GLIS3: variants seen among roughly 807,000 people sequenced by gnomAD.
GLIS3 encodes GLIS family zinc finger 3, also known as zinc finger protein GLIS3.
GLIS3 carries 53 observed loss-of-function variants against 78.6 expected under a neutral mutation model. That is an observed-to-expected ratio of 0.67 (90% CI 0.54 to 0.85). The LOEUF (loss-of-function observed/expected upper bound fraction) is 0.85. Ranked by LOEUF, GLIS3 falls within the 40% of genes least tolerant of loss-of-function variation. GLIS3 has a pLI of 0.00. For missense variants in GLIS3, 1,703 were observed against 1,231.1 expected (o/e 1.38, Z -5.74); for synonymous variants, 684 against 509.9 (o/e 1.34, Z -4.60).
intron 6 of GLIS3, 42 bp downstream of exon 6, chr9:3,932,318 G>C (rs1382438238): frequency 6.9e-7 from 1 of 1,453,142 alleles, no homozygotes; most frequent in African/African-American, 1.4e-5. Flanking sequence ...AGAATAATCT[G>C]AACATGCTTT....
chr9:3,829,538 GT>G, intron 9 of GLIS3, 46 bp from the exon 10 acceptor site: 2 of 1,601,506 alleles, frequency 1.2e-6, no homozygotes, highest in Non-Finnish European at 1.7e-6. Flanking sequence ...TTGGGCACAA[GT>G]TCCACAGATC....
chr9:4,305,059 A>T (rs1377222265), upstream of GLIS3: 1 of 152,156 alleles, frequency 6.6e-6, no homozygotes, highest in Non-Finnish European at 1.5e-5. Context: ...TTCTCACAAC[A>T]TCCGAATCAG....
the GLIS3 span, among the ~76,000 whole-genome samples, chr9:4,429,270 A>T: frequency 6.6e-6 from 1 of 152,106 alleles, no homozygotes; most frequent in Non-Finnish European, 1.5e-5. Context: ...GTTCCTGAAC[A>T]TCACCTGCAA....
intron 2 of GLIS3, among the ~76,000 whole-genome samples, chr9:4,141,230 G>C (rs545189723): frequency 5.9e-5 from 9 of 152,174 alleles, no homozygotes; most frequent in Non-Finnish European, 1.3e-4. Flanking sequence ...AGAGAGAGAG[G>C]TGGGATTGCC....
At chr9:4,367,202 T>C in the GLIS3 span, among the ~76,000 whole-genome samples, 991 of 152,346 alleles carry the variant, frequency 6.5e-3, 18 homozygotes, top group African/African-American at 0.022. Context: ...GCCGACGGCA[T>C]ATACCCTGCC....
At chr9:4,175,068 T>C (rs983262684) in intron 2 of GLIS3, among the ~76,000 whole-genome samples, 7 of 152,308 alleles carry the variant, frequency 4.6e-5, no homozygotes, top group African/African-American at 1.2e-4. Flanking sequence ...CTTCCTTCTT[T>C]TAAAGAGCAG....
At chr9:3,982,613 A>G (rs139204589) in intron 4 of GLIS3, among the ~76,000 whole-genome samples, 4 of 152,238 alleles carry the variant, frequency 2.6e-5, no homozygotes, top group African/African-American at 9.6e-5. Context: ...TATCGAAATA[A>G]GTGAAAACTA....
chr9:4,128,444 G>A (rs1239397714), intron 2 of GLIS3, among the ~76,000 whole-genome samples: 2 of 152,162 alleles, frequency 1.3e-5, no homozygotes, highest in Non-Finnish European at 2.9e-5. Context: ...ACCTAACCTA[G>A]GGTCTAATGC....
chr9:3,962,946 A>AGG (rs35272998), intron 4 of GLIS3, among the ~76,000 whole-genome samples: 37 of 118,922 alleles, frequency 3.1e-4, no homozygotes, highest in South Asian at 1.3e-3. Flanking sequence ...CTGTGATTTA[A>AGG]GGGGGGGGGG....
chr9:4,027,879 G>A (rs1208953596), intron 4 of GLIS3, among the ~76,000 whole-genome samples: 1 of 152,170 alleles, frequency 6.6e-6, no homozygotes, highest in African/African-American at 2.4e-5. Context: ...CAATCTGTCA[G>A]TGGCTCTTAA....
chr9:4,245,968 A>T (rs1470687519), intron 2 of GLIS3, among the ~76,000 whole-genome samples: 1 of 152,166 alleles, frequency 6.6e-6, no homozygotes, highest in Non-Finnish European at 1.5e-5. Flanking sequence ...ATAAAATCAG[A>T]GAAAAGTAAT....
chr9:4,333,762 C>T (rs1299164084), intron 2 of GLIS3, among the ~76,000 whole-genome samples: 1 of 143,858 alleles, frequency 7.0e-6, no homozygotes, highest in East Asian at 2.1e-4. Context: ...GCAACTTCAT[C>T]TGTTTTGATT....
At position 3,969,359 on chromosome 9, in the gene GLIS3, C is replaced by A. The variant is rs140482671; in HGVS notation, c.1711-32170G>T. ...AAAAGCGAGCAAACCTTGTGCTATA[C>A]GTTCCCTACACCTCACAGGAAATAT... On this transcript the variant is annotated intron_variant, in intron 4 of 10. Transcript: ENST00000381971. Among the ~76,000 whole-genome samples, 18 of 152,302 alleles carry A rather than the reference C, an allele frequency of 1.2e-4. No individual in the cohort carries two copies. In the East Asian group the frequency reaches 2.3e-3, roughly 20 times the overall value.
At chr9:4,420,910 A>C in the GLIS3 span, among the ~76,000 whole-genome samples, 10,006 of 152,252 alleles carry the variant, frequency 0.066, 619 homozygotes, top group East Asian at 0.32. Flanking sequence ...CCCATTAAGA[A>C]ATAGAGCCTT....
chr9:4,247,784 ATTAT>A (rs1329168125), intron 2 of GLIS3, among the ~76,000 whole-genome samples: 1 of 152,184 alleles, frequency 6.6e-6, no homozygotes, highest in African/African-American at 2.4e-5. Context: ...TTTTCTCATA[ATTAT>A]TTTACTTTTA....
At chr9:4,397,117 C>G in the GLIS3 span, among the ~76,000 whole-genome samples, 8 of 142,860 alleles carry the variant, frequency 5.6e-5, 1 homozygote, top group African/African-American at 2.2e-4. Flanking sequence ...GCTCCACCTC[C>G]TGGGTTCACG....
At chr9:4,462,423 C>T in the GLIS3 span, among the ~76,000 whole-genome samples, 1 of 152,076 alleles carries the variant, frequency 6.6e-6, no homozygotes, top group South Asian at 2.1e-4. Context: ...GTGGCACAAA[C>T]TGCATTCTAG....
intron 2 of GLIS3, among the ~76,000 whole-genome samples, chr9:4,206,624 A>G (rs932019452): frequency 6.6e-6 from 1 of 152,230 alleles, no homozygotes; most frequent in Non-Finnish European, 1.5e-5. Context: ...ATGTTGCTGA[A>G]CTGGAAGAAC....
intron 2 of GLIS3, among the ~76,000 whole-genome samples, chr9:4,247,065 C>T (rs1455558928): frequency 1.3e-5 from 2 of 152,148 alleles, no homozygotes; most frequent in African/African-American, 4.8e-5. Context: ...TTTTAAAATC[C>T]ATGGATGGCT....
Sources: gnomAD v4.1 joint callset for allele counts (sites outside exome capture counted in the v4.1 genomes callset) on GRCh38, gnomAD v4.1.1 for gene constraint, MANE v1.5 for transcripts, NCBI Gene and HGNC (gene_info 2026-07-23, HGNC 2026-07-21) for gene names.